The following MOXD1 variants were observed in gnomAD, a reference collection of about 807,000 sequenced individuals.
The protein encoded by MOXD1 is monooxygenase DBH like 1, also known as DBH-like monooxygenase protein 1.
A neutral mutation model predicts 66.6 loss-of-function variants in MOXD1; 62 were observed. The observed-to-expected ratio is 0.93, with a 90% CI of 0.76 to 1.15. The LOEUF is 1.15. MOXD1 is among the 50% of genes most tolerant of loss of function. The pLI, the probability that MOXD1 is intolerant of heterozygous loss-of-function variation, is 0.00. For synonymous variants in MOXD1, 303 were observed against 281.9 expected, an observed-to-expected ratio of 1.07 and a Z score of -0.75; for missense variants, 847 against 754.6, an observed-to-expected ratio of 1.12 and a Z score of -1.44.
At position 132,373,004 on chromosome 6, in the gene MOXD1, AT is replaced by A. The variant is rs773499330; in HGVS notation, c.412-8del. 6.2e-7 allele frequency: 1 copy of A among 1,607,768 alleles called. No homozygotes were observed. Among genetic ancestry groups the A allele is most frequent in the Non-Finnish European group, 8.5e-7 (1 of 1,176,070 alleles). ...TCACTCTCACAGTGCTATCCTGGGG[AT>A]CAGACATGGGCATGATTAGGTCTCA... is the stretch of plus-strand genomic sequence containing the variant. On this transcript the variant is annotated splice_region_variant and splice_polypyrimidine_tract_variant and intron_variant, in intron 2 of 11. Coordinates refer to ENST00000367963, the MANE Select transcript of MOXD1 (RefSeq NM_015529.4).
intron 10 of MOXD1, among the ~76,000 whole-genome samples, chr6:132,310,210 A>G (rs1774797378): frequency 6.6e-6 from 1 of 152,242 alleles, no homozygotes; most frequent in African/African-American, 2.4e-5. Flanking sequence ...ACACTTCTCA[A>G]AAGAAGACAT....
At chr6:132,332,760 G>C (rs780488162) in intron 4 of MOXD1, among the ~76,000 whole-genome samples, 2 of 152,178 alleles carry the variant, frequency 1.3e-5, no homozygotes, top group Non-Finnish European at 2.9e-5. Context: ...GAGGCTGCTC[G>C]TTATTTTCTG....
chr6:132,338,560 T>C (rs1582580724), intron 4 of MOXD1, among the ~76,000 whole-genome samples: 1 of 152,278 alleles, frequency 6.6e-6, no homozygotes, highest in African/African-American at 2.4e-5. Context: ...CTCAGCTTCT[T>C]CTTCCCTTGC....
intron 1 of MOXD1, among the ~76,000 whole-genome samples, chr6:132,377,454 A>C (rs1188871591): frequency 1.3e-5 from 2 of 152,218 alleles, no homozygotes; most frequent in East Asian, 3.8e-4. Context: ...TATGTTTCCA[A>C]AACCATTATT....
intron 1 of MOXD1, among the ~76,000 whole-genome samples, chr6:132,378,004 T>C (rs2075909380): frequency 2.0e-5 from 3 of 152,052 alleles, no homozygotes; most frequent in Admixed American, 1.3e-4. Flanking sequence ...GGCAGGTGCC[T>C]GTAATCCCAA....
Position 132,397,648 on chromosome 6 carries a change from A to G in MOXD1, c.264+3515T>C, listed in dbSNP as rs112939448. Reference sequence around the variant, plus strand: ...AGAGAGAGAGAGACAGAAAGAAAGAAAGAAAGAAAGAAAGAAAGAAAGAAA... The same window carrying G: ...AGAGAGAGAGAGACAGAAAGAAAGAGAGAAAGAAAGAAAGAAAGAAAGAAA... On this transcript the variant is annotated intron_variant, in intron 1 of 11. Transcript: ENST00000367963. Among the ~76,000 whole-genome samples, 9 of 98,008 alleles carry G rather than the reference A, an allele frequency of 9.2e-5. No individual in the cohort carries two copies. The Admixed American group carries it at 9.7e-4, about 11-fold the overall frequency. The allele number at this position is 98,008 out of a possible 152,430, so 64.3% of individuals were successfully genotyped here.
At chr6:132,321,951 C>T (rs752632828) in intron 8 of MOXD1, among the ~76,000 whole-genome samples, 1 of 152,176 alleles carries the variant, frequency 6.6e-6, no homozygotes, top group Non-Finnish European at 1.5e-5. Context: ...CATGTCTTCT[C>T]CCTGACAGTT....
At chr6:132,393,702 G>T (rs972228956) in intron 1 of MOXD1, among the ~76,000 whole-genome samples, 2 of 152,050 alleles carry the variant, frequency 1.3e-5, no homozygotes, top group Admixed American at 6.6e-5. Flanking sequence ...CATTATGAAA[G>T]CCCCGCCCCT....
chr6:132,359,099 T>G (rs971469840), intron 4 of MOXD1, among the ~76,000 whole-genome samples: 4 of 151,758 alleles, frequency 2.6e-5, no homozygotes. Flanking sequence ...CATCGTCCTC[T>G]TAGGAACTGC....
rs1213757897 is a variant in MOXD1 at position 132,297,146 on chromosome 6, A to G, written c.*7T>C. ...AGAAAACATTGTCAAGTCCAACAGA[A>G]TTTTGATCACAAGCTCTTGGTGCTC... is the stretch of plus-strand genomic sequence containing the variant. On this transcript the variant is annotated 3_prime_UTR_variant, in exon 12 of 12. Transcript: ENST00000367963. The G allele has an allele frequency of 1.2e-6, 2 of 1,612,570 alleles. No individual in the cohort carries two copies. The highest frequency in any genetic ancestry group is 1.7e-6 in the Non-Finnish European group (2 of 1,179,200).
intron 8 of MOXD1, among the ~76,000 whole-genome samples, chr6:132,321,905 C>T (rs1368995508): frequency 1.3e-5 from 2 of 152,170 alleles, no homozygotes; most frequent in East Asian, 3.8e-4. Flanking sequence ...TCACTTTCTT[C>T]TGTTTTTTCA....
intron 9 of MOXD1, among the ~76,000 whole-genome samples, chr6:132,316,554 G>A (rs1039266913): frequency 3.9e-5 from 6 of 152,090 alleles, no homozygotes; most frequent in Admixed American, 1.3e-4. Flanking sequence ...TAGGAAAGAA[G>A]AACAATTTTA....
chr6:132,362,835 A>G (rs1188865582), intron 4 of MOXD1, among the ~76,000 whole-genome samples: 1 of 152,144 alleles, frequency 6.6e-6, no homozygotes, highest in East Asian at 1.9e-4. Context: ...TTTCTCCCTA[A>G]TATCATCTCC....
At chr6:132,312,216 A>AT (rs200637601) in intron 10 of MOXD1, among the ~76,000 whole-genome samples, 2,152 of 152,074 alleles carry the variant, frequency 0.014, 62 homozygotes, top group African/African-American at 0.049. Context: ...TAGTTGTCTC[A>AT]TTTTTTCTAT....
intron 10 of MOXD1, among the ~76,000 whole-genome samples, chr6:132,311,300 A>G (rs1030799412): frequency 6.6e-6 from 1 of 152,148 alleles, no homozygotes; most frequent in African/African-American, 2.4e-5. Flanking sequence ...TGTAGAAATC[A>G]TAAAGATTAG....
rs771558295 is a variant in MOXD1 at position 132,372,645 on chromosome 6, T to C, written c.626A>G (p.Lys209Arg). 2 of 1,613,862 alleles carry C rather than the reference T, an allele frequency of 1.2e-6. No individual in the cohort carries two copies. The highest frequency in any genetic ancestry group is 1.1e-5 in the South Asian group (1 of 91,078). ...KDTTYWCQMF[K>R]IPVFQEKHHV... ...ATGCTTTTCTTGGAACACAGGAATC[T>C]TAAACATTTGGCACCAATATGTTGT... The change falls in exon 4 of 12, where the codon AAG becomes AGG. Residue 209 changes from lysine (K) to arginine (R), a missense_variant. By Grantham distance (26) the Lys-to-Arg change is conservative. Transcript: ENST00000367963.
At chr6:132,338,666 C>T (rs1444458392) in intron 4 of MOXD1, among the ~76,000 whole-genome samples, 1 of 152,136 alleles carries the variant, frequency 6.6e-6, no homozygotes, top group African/African-American at 2.4e-5. Flanking sequence ...CAAGGGGATA[C>T]ATTTCAAATA....
rs35417733 is a variant in MOXD1, at chr6:132,386,446, C to CA, written c.265-11670dup. ...AACAAAACAAAACAAAAAAAAAAAA[C>CA]AAAAAAAAAACGGGAAAAGAGATGA... is the stretch of plus-strand genomic sequence containing the variant. On this transcript the variant is annotated intron_variant, in intron 1 of 11. Coordinates refer to ENST00000367963, the MANE Select transcript of MOXD1 (RefSeq NM_015529.4). Among the ~76,000 whole-genome samples the CA allele has an allele frequency of 2.2e-3, 283 of 126,552 alleles. 6 individuals are homozygous for CA. The highest frequency in any genetic ancestry group is 0.01 in the South Asian group (36 of 3,580). The allele number at this position is 126,552 out of a possible 152,430, so 83.0% of individuals were successfully genotyped here.
chr6:132,382,679 C>T (rs940516527), intron 1 of MOXD1, among the ~76,000 whole-genome samples: 5 of 152,092 alleles, frequency 3.3e-5, no homozygotes, highest in African/African-American at 9.7e-5. Flanking sequence ...TTGAACACTT[C>T]GTGCTTTGAA....
Sources: allele counts gnomAD v4.1 joint callset (sites outside exome capture counted in the v4.1 genomes callset), GRCh38; gene constraint gnomAD v4.1.1; transcripts MANE v1.5; gene names NCBI Gene and HGNC (gene_info 2026-07-23, HGNC 2026-07-21).